ELOVL4: variants seen among roughly 807,000 people sequenced by gnomAD.
ELOVL4 encodes the protein very long chain fatty acid elongase 4.
Under a neutral mutation model 42.1 loss-of-function variants are expected in ELOVL4, and 18 were observed. The ratio of observed to expected loss-of-function variants is 0.43; its 90% CI spans 0.30 to 0.63. The LOEUF is 0.63. ELOVL4 is among the 30% of genes least tolerant of loss of function. The probability of loss-of-function intolerance (pLI) is 0.15; values close to 1 mark genes in which losing one functional copy is unlikely to be tolerated. For missense variants in ELOVL4, 299 were observed against 376.2 expected (o/e 0.79, Z 1.70); for synonymous variants, 117 against 127.0 (o/e 0.92, Z 0.53).
intron 1 of ELOVL4, among the ~76,000 whole-genome samples, chr6:79,935,699 C>A: frequency 1.3e-5 from 2 of 152,066 alleles, no homozygotes; most frequent in South Asian, 2.1e-4. Context: ...TAATACGGTT[C>A]CAGAAGACAC....
At chr6:79,921,577 C>T in intron 4 of ELOVL4, 48 bp downstream of exon 4, 2 of 1,511,710 alleles carry the variant, frequency 1.3e-6, no homozygotes, top group Non-Finnish European at 9.1e-7. Flanking sequence ...TTCCACTGAA[C>T]ACATATATGC....
rs768992562 is a variant in ELOVL4, at chr6:79,921,692, A to G, written c.474T>C (p.His158=). ...TAAACATCGTACAGTGATGATACAC[A>G]TGAAGGAAAGAAACTTGGTTGTTTT... is the stretch of plus-strand genomic sequence containing the variant. ...RKKNNQVSFL[H]VYHHCTMFTL... Residue 158 remains histidine (H), a synonymous_variant, in exon 4 of 6, where the codon CAT becomes CAC. Coordinates refer to ENST00000369816, the MANE Select transcript of ELOVL4 (RefSeq NM_022726.4). The G allele has an allele frequency of 3.1e-6, 5 of 1,614,078 alleles. No homozygotes were observed. The highest frequency in any genetic ancestry group is 4.2e-6 in the Non-Finnish European group (5 of 1,180,002).
chr6:79,943,128 T>C (rs780113549), intron 1 of ELOVL4, among the ~76,000 whole-genome samples: 1 of 152,080 alleles, frequency 6.6e-6, no homozygotes, highest in African/African-American at 2.4e-5. Flanking sequence ...CTATTTTAGA[T>C]AATAACATAG....
At chr6:79,934,775 A>G (rs1028859621) in intron 1 of ELOVL4, among the ~76,000 whole-genome samples, 4 of 152,208 alleles carry the variant, frequency 2.6e-5, no homozygotes, top group Non-Finnish European at 5.9e-5. Flanking sequence ...ATAGAACAAC[A>G]TGTATACAGC....
intron 3 of ELOVL4, among the ~76,000 whole-genome samples, chr6:79,924,229 C>T (rs1774307405): frequency 6.6e-6 from 1 of 152,010 alleles, no homozygotes; most frequent in South Asian, 2.1e-4. Context: ...TGTTCTATGC[C>T]TAATTTCCTA....
chr6:79,934,760 G>A (rs1417837953), intron 1 of ELOVL4, among the ~76,000 whole-genome samples: 1 of 152,162 alleles, frequency 6.6e-6, no homozygotes, highest in East Asian at 1.9e-4. Context: ...GGGCTGTTGT[G>A]AGGAATAGAA....
At chr6:79,920,881 G>A (rs1410519441) in intron 4 of ELOVL4, among the ~76,000 whole-genome samples, 2 of 152,090 alleles carry the variant, frequency 1.3e-5, no homozygotes, top group South Asian at 2.1e-4. Flanking sequence ...TATCATGCTG[G>A]TGCTCAAAAA....
In ELOVL4 at chr6:79,935,601, G is replaced by A. The variant is rs561606482; in HGVS notation, c.101-9220C>T. Among the ~76,000 whole-genome samples, 7 of 152,180 alleles carry A rather than the reference G, an allele frequency of 4.6e-5. No homozygotes were observed. The East Asian group carries it at 1.2e-3, about 25-fold the overall frequency. ...CCTGAAACTCAGAGCCACTATTTTCGCATGTGTAAAGTGAAGGTGATAATA... is the reference window on the plus strand; with the variant it reads ...CCTGAAACTCAGAGCCACTATTTTCACATGTGTAAAGTGAAGGTGATAATA... On this transcript the variant is annotated intron_variant, in intron 1 of 5. Coordinates refer to ENST00000369816, the MANE Select transcript of ELOVL4 (RefSeq NM_022726.4).
chr6:79,941,876 G>A (rs531405062), intron 1 of ELOVL4, among the ~76,000 whole-genome samples: 1 of 152,150 alleles, frequency 6.6e-6, no homozygotes, highest in East Asian at 1.9e-4. Flanking sequence ...AGATACAAAG[G>A]AGTGAAGTGG....
Position 79,919,435 on chromosome 6 carries a change from C to T in ELOVL4, c.654G>A (p.Leu218=), listed in dbSNP as rs771331626. Residue 218 remains leucine (L), a synonymous_variant, in exon 5 of 6, where the codon CTG becomes CTA. Transcript: ENST00000369816. ...TTTAACTCACCAGTTGCAACATAGT[C>T]AGGTATCGTTTCCACCAAAGATATT... ...IQKYLWWKRY[L]TMLQLIQFHV... The T allele has an allele frequency of 6.2e-6, 10 of 1,613,752 alleles. No homozygotes were observed. In the Middle Eastern group the frequency reaches 5.0e-4, roughly 80 times the overall value.
In ELOVL4 at chr6:79,916,286, G is replaced by A. The variant is rs1439254402; in HGVS notation, c.*322C>T. On this transcript the variant is annotated 3_prime_UTR_variant, in exon 6 of 6. Transcript: ENST00000369816. ...CTAAAATTCAGACCGAAGAATGAGT[G>A]ACTATAAGATACATGAAAAATCTCA... 3 of 261,296 alleles carry A rather than the reference G, an allele frequency of 1.1e-5. No individual in the cohort carries two copies. The highest frequency in any genetic ancestry group is 2.2e-5 in the Non-Finnish European group (3 of 136,142). The allele number at this position is 261,296 out of a possible 1,614,324, so 16.2% of individuals were successfully genotyped here.
intron 1 of ELOVL4, among the ~76,000 whole-genome samples, chr6:79,928,217 T>C (rs748845065): frequency 2.0e-5 from 3 of 152,162 alleles, no homozygotes; most frequent in Non-Finnish European, 4.4e-5. Flanking sequence ...ATCCTGTTCT[T>C]TTCCACCAAC....
chr6:79,938,128 G>C (rs566872210), intron 1 of ELOVL4, among the ~76,000 whole-genome samples: 1 of 152,154 alleles, frequency 6.6e-6, no homozygotes, highest in African/African-American at 2.4e-5. Flanking sequence ...AATATATCTC[G>C]AGAGAGAGAG....
At chr6:79,917,783 T>A (rs1191891432) in intron 5 of ELOVL4, among the ~76,000 whole-genome samples, 1 of 152,042 alleles carries the variant, frequency 6.6e-6, no homozygotes, top group Non-Finnish European at 1.5e-5. Context: ...ACTGCACCAT[T>A]GCACTCCAAC....
intron 1 of ELOVL4, among the ~76,000 whole-genome samples, chr6:79,932,741 T>C (rs1008267499): frequency 1.3e-5 from 2 of 152,190 alleles, no homozygotes; most frequent in African/African-American, 4.8e-5. Flanking sequence ...ACTTGGTCCC[T>C]GATCTCTCAA....
At chr6:79,927,889 T>C (rs918549357) in intron 1 of ELOVL4, among the ~76,000 whole-genome samples, 4 of 152,154 alleles carry the variant, frequency 2.6e-5, no homozygotes, top group Non-Finnish European at 5.9e-5. Context: ...ACAGGAGAGA[T>C]GGTAAACTTC....
At chr6:79,920,392 T>C (rs1398933712) in intron 4 of ELOVL4, among the ~76,000 whole-genome samples, 1 of 152,232 alleles carries the variant, frequency 6.6e-6, no homozygotes, top group South Asian at 2.1e-4. Flanking sequence ...GCTATGAATT[T>C]AGATCCTCTT....
chr6:79,930,611 A>G (rs1774427499), intron 1 of ELOVL4, among the ~76,000 whole-genome samples: 1 of 152,158 alleles, frequency 6.6e-6, no homozygotes, highest in South Asian at 2.1e-4. Flanking sequence ...AGTGCCATAC[A>G]ACGATATGAA....
At chr6:79,923,562 T>C (rs1774293540) in intron 3 of ELOVL4, among the ~76,000 whole-genome samples, 1 of 152,186 alleles carries the variant, frequency 6.6e-6, no homozygotes, top group African/African-American at 2.4e-5. Context: ...TTGGCAATAG[T>C]TATCAGAAGA....
Sources: gnomAD v4.1 joint callset for allele counts (sites outside exome capture counted in the v4.1 genomes callset) on GRCh38, gnomAD v4.1.1 for gene constraint, MANE v1.5 for transcripts, NCBI Gene and HGNC (gene_info 2026-07-23, HGNC 2026-07-21) for gene names.